The following RBFOX2 variants were observed in gnomAD, a reference collection of about 807,000 sequenced individuals.
The protein encoded by RBFOX2 is RNA binding protein fox-1 homolog 2.
A neutral mutation model predicts 49.1 loss-of-function variants in RBFOX2; 10 were observed. That is an observed-to-expected ratio of 0.20 (90% CI 0.13 to 0.35). The LOEUF (loss-of-function observed/expected upper bound fraction) is 0.35. Among genes scored for constraint, RBFOX2 ranks in the 10% least tolerant of loss-of-function variants. RBFOX2 has a pLI of 1.00. For synonymous variants in RBFOX2, 183 were observed against 187.4 expected (o/e 0.98, Z 0.19); for missense variants, 323 against 486.9 (o/e 0.66, Z 3.17).
intron 9 of RBFOX2, chr22:35,747,853 C>T (rs1215872784): frequency 6.6e-6 from 1 of 152,134 alleles, no homozygotes; most frequent in Non-Finnish European, 1.5e-5. Flanking sequence ...CTTTCTACTT[C>T]CTATTTTTTC....
intron 1 of RBFOX2, among the ~76,000 whole-genome samples, chr22:35,991,289 A>G (rs544184983): frequency 1.3e-5 from 2 of 152,326 alleles, no homozygotes; most frequent in East Asian, 1.9e-4. Context: ...ATGAGGAGCC[A>G]CCGGAAGATC....
chr22:35,819,720 C>T (rs565507201), intron 1 of RBFOX2, among the ~76,000 whole-genome samples: 1 of 152,222 alleles, frequency 6.6e-6, no homozygotes, highest in East Asian at 1.9e-4. Flanking sequence ...AGACAAAGTC[C>T]CTGCCCTTAT....
At chr22:35,840,709 G>T, upstream of RBFOX2, 1 of 738,738 alleles carries the variant, frequency 1.4e-6, no homozygotes, top group Non-Finnish European at 1.7e-6. Flanking sequence ...ATATTTTAAG[G>T]ATGCGATGAT....
exon 12 of RBFOX2, chr22:35,740,655 GCTTC>G (rs1341728360): frequency 1.3e-5 from 2 of 152,566 alleles, no homozygotes; most frequent in Non-Finnish European, 2.9e-5. Flanking sequence ...ACTGGTCAAA[GCTTC>G]CCCTTTCTCC....
chr22:35,740,209 G>A (rs181590175), exon 12 of RBFOX2: 2 of 152,578 alleles, frequency 1.3e-5, no homozygotes, highest in Non-Finnish European at 2.9e-5. Flanking sequence ...CTTGGAAAGG[G>A]CCCTGTTTCA....
chr22:35,764,961 G>A (rs1227476227), intron 6 of RBFOX2, among the ~76,000 whole-genome samples: 1 of 151,646 alleles, frequency 6.6e-6, no homozygotes, highest in Non-Finnish European at 1.5e-5. Flanking sequence ...TTATCTCTAG[G>A]GCTAAGGAGA....
chr22:35,792,015 C>G (rs562033694), intron 2 of RBFOX2, among the ~76,000 whole-genome samples: 1 of 152,202 alleles, frequency 6.6e-6, no homozygotes, highest in Admixed American at 6.5e-5. Context: ...ATTCAAATAG[C>G]TTTCAAATTA....
At chr22:35,850,252 G>A (rs902709898) in intron 1 of RBFOX2, among the ~76,000 whole-genome samples, 1 of 138,750 alleles carries the variant, frequency 7.2e-6, no homozygotes, top group African/African-American at 2.7e-5. Flanking sequence ...CACTGTCTCC[G>A]GCAGAGACAG....
intron 1 of RBFOX2, among the ~76,000 whole-genome samples, chr22:35,888,521 T>C (rs1349907139): frequency 1.3e-5 from 2 of 152,162 alleles, no homozygotes; most frequent in African/African-American, 4.8e-5. Context: ...GGCTGTGTAA[T>C]TGATAAAGAA....
intron 1 of RBFOX2, among the ~76,000 whole-genome samples, chr22:36,003,600 T>G (rs928996517): frequency 6.6e-6 from 1 of 152,232 alleles, no homozygotes; most frequent in Admixed American, 6.5e-5. Context: ...TTTTGGCTTT[T>G]TGGTAAGAAT....
intron 1 of RBFOX2, among the ~76,000 whole-genome samples, chr22:35,953,412 C>T (rs4541331): frequency 0.22 from 33,424 of 151,750 alleles, 5,704 homozygotes; most frequent in African/African-American, 0.48. Flanking sequence ...ACATAAAAGG[C>T]CATATATTAT....
chr22:35,783,693 T>C (rs557214343), intron 2 of RBFOX2, among the ~76,000 whole-genome samples: 1 of 152,194 alleles, frequency 6.6e-6, no homozygotes, highest in South Asian at 2.1e-4. Context: ...ATAAAGATGG[T>C]CTTCTGATGA....
intron 2 of RBFOX2, among the ~76,000 whole-genome samples, chr22:35,800,668 C>T (rs1569165947): frequency 6.6e-6 from 1 of 151,554 alleles, no homozygotes; most frequent in Non-Finnish European, 1.5e-5. Context: ...CTTCTCTCTC[C>T]TCAGAACTGC....
At chr22:35,950,953 CTT>C (rs747849148) in intron 1 of RBFOX2, among the ~76,000 whole-genome samples, 28 of 128,082 alleles carry the variant, frequency 2.2e-4, no homozygotes, top group East Asian at 2.2e-4. Flanking sequence ...GTAAAGAATT[CTT>C]TTTTTTTTTT....
intron 1 of RBFOX2, among the ~76,000 whole-genome samples, chr22:36,006,619 T>G (rs1355082891): frequency 1.3e-5 from 2 of 152,160 alleles, no homozygotes; most frequent in Admixed American, 1.3e-4. Context: ...AGAACAGCAG[T>G]GTGCGGATGA....
intron 4 of RBFOX2, among the ~76,000 whole-genome samples, chr22:35,775,841 C>CAAAAAAAAAAAAA (rs753116056): frequency 1.9e-3 from 108 of 56,014 alleles, no homozygotes; most frequent in African/African-American, 3.3e-3. Context: ...GAATCTGCCT[C>CAAAAAAAAAAAAA]AAAAAAAAAA....
At chr22:35,773,266 A>G (rs1943136025) in intron 4 of RBFOX2, among the ~76,000 whole-genome samples, 1 of 152,060 alleles carries the variant, frequency 6.6e-6, no homozygotes, top group Non-Finnish European at 1.5e-5. Context: ...AATAGGGAAA[A>G]CATTACAGCA....
chr22:35,992,294 C>CACACAT (rs1159226513), intron 1 of RBFOX2: 5 of 152,134 alleles, frequency 3.3e-5, no homozygotes, highest in South Asian at 2.1e-4. Context: ...TAACCACACA[C>CACACAT]ACACATACAC....
intron 1 of RBFOX2, among the ~76,000 whole-genome samples, chr22:35,872,423 C>A (rs1393403025): frequency 2.0e-5 from 3 of 152,298 alleles, no homozygotes; most frequent in East Asian, 3.9e-4. Context: ...TACCTTGTTG[C>A]AAGGACAGAG....
Sources: allele counts gnomAD v4.1 joint callset (sites outside exome capture counted in the v4.1 genomes callset), GRCh38; gene constraint gnomAD v4.1.1; transcripts MANE v1.5; gene names NCBI Gene and HGNC (gene_info 2026-07-23, HGNC 2026-07-21).